The following CDH13 variants were observed in gnomAD, a reference collection of about 807,000 sequenced individuals.
CDH13 encodes cadherin-13.
CDH13 carries 24 observed loss-of-function variants against 63.8 expected under a neutral mutation model. The observed-to-expected ratio is 0.38, with a 90% CI of 0.27 to 0.53. The LOEUF (loss-of-function observed/expected upper bound fraction) is 0.53, where lower values mean the gene tolerates loss of function less well. CDH13 is among the 20% of genes least tolerant of loss of function. The probability of loss-of-function intolerance (pLI) is 0.85; values close to 1 mark genes in which losing one functional copy is unlikely to be tolerated. For synonymous variants in CDH13, 503 were observed against 355.3 expected (o/e 1.42, Z -4.67); for missense variants, 1,049 against 903.1 (o/e 1.16, Z -2.07).
At chr16:83,431,561 G>A (rs572832271) in intron 6 of CDH13, among the ~76,000 whole-genome samples, 1 of 152,118 alleles carries the variant, frequency 6.6e-6, no homozygotes. Context: ...TTGGGTCACA[G>A]TTCTGCAGGC....
At chr16:83,708,001 C>T (rs1907392348) in intron 10 of CDH13, among the ~76,000 whole-genome samples, 1 of 152,086 alleles carries the variant, frequency 6.6e-6, no homozygotes, top group Non-Finnish European at 1.5e-5. Flanking sequence ...GCCACCATGA[C>T]CATTATTCCC....
chr16:83,401,330 C>T (rs1206322750), intron 6 of CDH13, among the ~76,000 whole-genome samples: 1 of 148,262 alleles, frequency 6.7e-6, no homozygotes, highest in African/African-American at 2.5e-5. Context: ...CAGAGTGAGA[C>T]TCCATCTCAA....
intron 10 of CDH13, among the ~76,000 whole-genome samples, chr16:83,698,613 C>T (rs544889366): frequency 7.9e-5 from 12 of 152,156 alleles, no homozygotes; most frequent in Non-Finnish European, 1.5e-4. Context: ...CTCACACAGG[C>T]GGTATGAGGA....
chr16:83,129,469 C>G (rs540378060), intron 4 of CDH13, among the ~76,000 whole-genome samples: 2 of 152,086 alleles, frequency 1.3e-5, no homozygotes, highest in African/African-American at 2.4e-5. Flanking sequence ...GGGAAGGCAG[C>G]TAGGAGAGAA....
In CDH13 at chr16:83,513,264, T is replaced by C. The variant is rs1479484288; in HGVS notation, c.960+26609T>C. ...CTGAGTTCACATCTGAGTCAGCCGC[T>C]GACTCAGCCCCTGACCACAGAGTGA... On this transcript the variant is annotated intron_variant, in intron 7 of 13. Coordinates refer to ENST00000567109, the MANE Select transcript of CDH13 (RefSeq NM_001257.5). 2.0e-5 allele frequency among the ~76,000 whole-genome samples: 3 copies of C among 152,276 alleles called. No individual in the cohort carries two copies. In the East Asian group the frequency reaches 5.8e-4, roughly 29 times the overall value.
intron 4 of CDH13, among the ~76,000 whole-genome samples, chr16:83,191,526 CACACATATATATATAT>C (rs1173596860): frequency 3.9e-5 from 4 of 101,692 alleles, no homozygotes; most frequent in African/African-American, 1.8e-4. Context: ...CACACACACA[CACACATATATATATAT>C]ATATATATAT....
chr16:83,747,106 C>T (rs368594714), intron 10 of CDH13, among the ~76,000 whole-genome samples: 4 of 152,192 alleles, frequency 2.6e-5, no homozygotes, highest in South Asian at 2.1e-4. Context: ...TATTTAGTGT[C>T]GCATATGGGC....
intron 7 of CDH13, among the ~76,000 whole-genome samples, chr16:83,559,570 A>G (rs1406409362): frequency 2.5e-5 from 3 of 121,418 alleles, no homozygotes; most frequent in African/African-American, 1.1e-4. Context: ...AAACTGTATA[A>G]AAAGAAAGAG....
chr16:82,921,734 T>G (rs889206612), intron 2 of CDH13, among the ~76,000 whole-genome samples: 9 of 152,160 alleles, frequency 5.9e-5, no homozygotes, highest in South Asian at 2.1e-4. Flanking sequence ...GCTTTGGTAG[T>G]AATGTAATAA....
At chr16:82,755,496 A>C (rs1180719327) in intron 1 of CDH13, among the ~76,000 whole-genome samples, 2 of 149,166 alleles carry the variant, frequency 1.3e-5, no homozygotes, top group Non-Finnish European at 2.9e-5. Flanking sequence ...TATTTTGTCA[A>C]ATTGGTTATT....
chr16:83,204,129 G>C (rs900487189), intron 4 of CDH13, among the ~76,000 whole-genome samples: 1 of 152,176 alleles, frequency 6.6e-6, no homozygotes, highest in Non-Finnish European at 1.5e-5. Flanking sequence ...TTCCGATTGG[G>C]AGCTCTTCCA....
intron 4 of CDH13, among the ~76,000 whole-genome samples, chr16:83,137,407 G>A (rs1031319418): frequency 3.3e-5 from 5 of 152,200 alleles, no homozygotes; most frequent in Non-Finnish European, 7.3e-5. Context: ...GAGGAGAAAT[G>A]AGGTTAACCT....
intron 3 of CDH13, among the ~76,000 whole-genome samples, chr16:83,067,447 G>C (rs946057192): frequency 6.6e-6 from 1 of 152,160 alleles, no homozygotes; most frequent in Non-Finnish European, 1.5e-5. Context: ...CAGCAAACAA[G>C]TAAAAGAACC....
At chr16:83,350,083 T>TG (rs981644376) in intron 6 of CDH13, among the ~76,000 whole-genome samples, 2 of 152,182 alleles carry the variant, frequency 1.3e-5, no homozygotes, top group African/African-American at 4.8e-5. Flanking sequence ...TCCCCAAGGA[T>TG]GGGGGGCTTT....
At position 82,627,135 on chromosome 16, in the gene CDH13, C is replaced by G; in HGVS notation, c.43C>G (p.Gln15Glu). The change falls in exon 1 of 14, where the codon CAG becomes GAG. Residue 15 changes from glutamine (Q) to glutamate (E), a missense_variant and splice_region_variant. By Grantham distance (29) the Gln-to-Glu change is conservative. Coordinates refer to ENST00000567109, the MANE Select transcript of CDH13 (RefSeq NM_001257.5). ...GCTCGTTCTGTGCGTTCTCCTGTCC[C>G]AGGTAGGGAAGAGGGGCTGCCGGGC... ...TPLVLCVLLS[Q>E]VLLLTSAEDL... 1 of 1,606,792 alleles carries G rather than the reference C, an allele frequency of 6.2e-7. No homozygotes were observed. Among genetic ancestry groups the G allele is most frequent in the Non-Finnish European group, 8.5e-7 (1 of 1,176,958 alleles).
At chr16:82,646,252 T>G (rs1049360684) in intron 1 of CDH13, 1 of 152,266 alleles carries the variant, frequency 6.6e-6, no homozygotes, top group Non-Finnish European at 1.5e-5. Flanking sequence ...TGCAGTGGCG[T>G]GATCTCGGCT....
intron 4 of CDH13, among the ~76,000 whole-genome samples, chr16:83,169,022 T>G (rs2151725374): frequency 1.3e-5 from 2 of 152,270 alleles, no homozygotes; most frequent in East Asian, 3.9e-4. Context: ...TTAGCCTCAG[T>G]GCTTGGAAGT....
intron 5 of CDH13, among the ~76,000 whole-genome samples, chr16:83,226,210 G>T (rs369997868): frequency 6.6e-6 from 1 of 152,028 alleles, no homozygotes; most frequent in East Asian, 1.9e-4. Context: ...ATTACAACCC[G>T]GCCTTATCTG....
chr16:82,756,023 G>C (rs2034599828), intron 1 of CDH13, among the ~76,000 whole-genome samples: 1 of 152,136 alleles, frequency 6.6e-6, no homozygotes, highest in African/African-American at 2.4e-5. Flanking sequence ...ACTTGAGTAG[G>C]GGCTGGGAAG....
Sources: gnomAD v4.1 joint callset for allele counts (sites outside exome capture counted in the v4.1 genomes callset) on GRCh38, gnomAD v4.1.1 for gene constraint, MANE v1.5 for transcripts, NCBI Gene and HGNC (gene_info 2026-07-23, HGNC 2026-07-21) for gene names.